Variants in SOX6 observed in about 807,000 individuals in gnomAD.
The protein encoded by SOX6 is SRY-box transcription factor 6, also known as transcription factor SOX-6.
In SOX6, 11 loss-of-function variants were observed where a neutral mutation model predicts 97.8. That is an observed-to-expected ratio of 0.11 (90% CI 0.07 to 0.19). SOX6 has a LOEUF of 0.19. Among genes scored for constraint, SOX6 ranks in the 10% least tolerant of loss-of-function variants. The pLI, the probability that SOX6 is intolerant of heterozygous loss-of-function variation, is 1.00. For missense variants in SOX6, 810 were observed against 1,039.5 expected (o/e 0.78, Z 3.04); for synonymous variants, 360 against 371.4 (o/e 0.97, Z 0.35).
intron 1 of SOX6, among the ~76,000 whole-genome samples, chr11:16,412,082 T>C (rs376351744): frequency 1.3e-5 from 2 of 152,124 alleles, no homozygotes; most frequent in African/African-American, 4.8e-5. Context: ...AAAGGAAAAC[T>C]ACACACAGAA....
chr11:16,314,772 T>G (rs1308854308), intron 3 of SOX6: 11 of 152,226 alleles, frequency 7.2e-5, no homozygotes, highest in Non-Finnish European at 1.2e-4. Flanking sequence ...AATTGATATT[T>G]TATATTACAT....
chr11:16,589,937 TA>T (rs768975097), intron 4 of SOX6, among the ~76,000 whole-genome samples: 2 of 152,210 alleles, frequency 1.3e-5, no homozygotes, highest in East Asian at 3.9e-4. Flanking sequence ...TTATAAAAGA[TA>T]AAAAAGCTAC....
intron 15 of SOX6, among the ~76,000 whole-genome samples, chr11:15,977,842 A>G (rs1398484501): frequency 1.3e-5 from 2 of 151,592 alleles, no homozygotes; most frequent in Non-Finnish European, 2.9e-5. Flanking sequence ...CAAATATCCA[A>G]CTTCTCCCCC....
chr11:16,391,298 TG>T (rs1858175007), intron 1 of SOX6, among the ~76,000 whole-genome samples: 1 of 152,108 alleles, frequency 6.6e-6, no homozygotes, highest in African/African-American at 2.4e-5. Context: ...GTAACAAAAC[TG>T]TACCTTTTGC....
upstream of SOX6, among the ~76,000 whole-genome samples, chr11:16,480,652 C>CA (rs564289470): frequency 2.6e-4 from 40 of 151,744 alleles, no homozygotes; most frequent in South Asian, 4.2e-4. Flanking sequence ...GTAACCCCCC[C>CA]CCCACCTTCT....
At chr11:16,364,752 G>T (rs1857306867) in intron 1 of SOX6, among the ~76,000 whole-genome samples, 1 of 152,096 alleles carries the variant, frequency 6.6e-6, no homozygotes, top group Non-Finnish European at 1.5e-5. Context: ...TCAGAGGCCA[G>T]GAAGCTATCT....
intron 3 of SOX6, chr11:16,313,366 A>C (rs1022590550): frequency 2.6e-5 from 4 of 152,176 alleles, no homozygotes; most frequent in Non-Finnish European, 5.9e-5. Flanking sequence ...AATGCAAGAA[A>C]GGTAATCATT....
intron 3 of SOX6, among the ~76,000 whole-genome samples, chr11:16,248,058 G>C (rs931940840): frequency 1.3e-5 from 2 of 152,170 alleles, no homozygotes; most frequent in Admixed American, 1.3e-4. Flanking sequence ...CCCCACGCAA[G>C]TCTGAAATCC....
intron 4 of SOX6, among the ~76,000 whole-genome samples, chr11:16,229,861 C>A (rs1852796479): frequency 6.6e-6 from 1 of 151,676 alleles, no homozygotes; most frequent in Non-Finnish European, 1.5e-5. Flanking sequence ...CAACATTTTA[C>A]ATAACCAAGA....
chr11:16,394,657 T>C (rs1590183269), intron 1 of SOX6, among the ~76,000 whole-genome samples: 1 of 152,042 alleles, frequency 6.6e-6, no homozygotes, highest in South Asian at 2.1e-4. Context: ...GGCAACACTA[T>C]GAATATTTTA....
intron 7 of SOX6, among the ~76,000 whole-genome samples, chr11:16,109,542 G>C (rs1369799153): frequency 6.6e-6 from 1 of 151,896 alleles, no homozygotes; most frequent in Non-Finnish European, 1.5e-5. Flanking sequence ...GCTCAGTTTG[G>C]GGCAAAAAGA....
chr11:16,265,131 G>A (rs1276211628), intron 3 of SOX6, among the ~76,000 whole-genome samples: 1 of 151,928 alleles, frequency 6.6e-6, no homozygotes, highest in Non-Finnish European at 1.5e-5. Context: ...ACAAGCTTCA[G>A]AGAAAGGAAT....
intron 3 of SOX6, among the ~76,000 whole-genome samples, chr11:16,614,413 G>T (rs1326352085): frequency 1.3e-5 from 2 of 152,188 alleles, no homozygotes; most frequent in African/African-American, 4.8e-5. Context: ...CAGCCCGGCC[G>T]CCTGCTGCGA....
chr11:16,404,688 G>T (rs1460575110), intron 1 of SOX6, among the ~76,000 whole-genome samples: 2 of 151,828 alleles, frequency 1.3e-5, no homozygotes, highest in South Asian at 2.1e-4. Context: ...TTGCATAAAA[G>T]GTTTAAAAGA....
intron 4 of SOX6, among the ~76,000 whole-genome samples, chr11:16,571,808 C>A (rs1373225766): frequency 6.6e-6 from 1 of 152,094 alleles, no homozygotes. Flanking sequence ...CACTCTGCCA[C>A]GTCTGGCTAA....
Position 16,569,054 on chromosome 11 carries a change from G to A in SOX6, n.609+43027C>T, listed in dbSNP as rs148283793. ...TGGATCAGCATGTAAGCATCATAGA[G>A]GTTGAAGAGCATTATCAAATTATCT... On this transcript the variant is annotated intron_variant and non_coding_transcript_variant, in intron 4 of 5. Transcript: ENST00000524520. Among the ~76,000 whole-genome samples, 194 of 152,274 alleles carry A rather than the reference G, an allele frequency of 1.3e-3. 3 individuals are homozygous for A. Among genetic ancestry groups the A allele is most frequent in the Admixed American group, 0.011 (175 of 15,292 alleles).
intron 2 of SOX6, among the ~76,000 whole-genome samples, chr11:16,340,411 C>G (rs1264151506): frequency 6.6e-6 from 1 of 152,052 alleles, no homozygotes; most frequent in African/African-American, 2.4e-5. Flanking sequence ...CATGGGAAAG[C>G]TGGCTAATAC....
chr11:16,225,839 T>G (rs1191615833), intron 4 of SOX6, among the ~76,000 whole-genome samples: 1 of 152,200 alleles, frequency 6.6e-6, no homozygotes, highest in East Asian at 1.9e-4. Flanking sequence ...TCAGTGGCAC[T>G]TAGTAGCAGT....
rs759518281 is a variant in SOX6, at chr11:16,055,753, T to G, written c.1250A>C (p.Lys417Thr). ...KRGTSPVTQV[K>T]DEAAAQPLNL... ...CACAATGCTGCAAGGCGAGTGTACC[T>G]TAACTTGAGTTACAGGGCTGGTCCC... The change falls in exon 10 of 16, where the codon AAG becomes ACG. Residue 417 changes from lysine to threonine, a missense_variant and splice_region_variant. By Grantham distance (78) the Lys-to-Thr change is moderately conservative. Coordinates refer to ENST00000683767, the MANE Select transcript of SOX6 (RefSeq NM_001367873.1). The G allele has an allele frequency of 3.7e-6, 6 of 1,613,632 alleles. No individual in the cohort carries two copies. The East Asian group carries it at 1.3e-4, about 36-fold the overall frequency.
Sources: allele counts gnomAD v4.1 joint callset (sites outside exome capture counted in the v4.1 genomes callset), GRCh38; gene constraint gnomAD v4.1.1; transcripts MANE v1.5; gene names NCBI Gene and HGNC (gene_info 2026-07-23, HGNC 2026-07-21).